Variants in MECOM observed in about 807,000 individuals in gnomAD.
MECOM encodes the protein MDS1 and EVI1 complex locus, also known as histone-lysine N-methyltransferase MECOM.
In MECOM, 13 loss-of-function variants were observed where a neutral mutation model predicts 116.3. The ratio of observed to expected loss-of-function variants is 0.11; its 90% CI spans 0.07 to 0.18. The LOEUF is 0.18. MECOM is among the 10% of genes least tolerant of loss of function. The pLI, the probability that MECOM is intolerant of heterozygous loss-of-function variation, is 1.00. For missense variants in MECOM, 1,299 were observed against 1,509.0 expected, an observed-to-expected ratio of 0.86 and a Z score of 2.31; for synonymous variants, 528 against 535.2, an observed-to-expected ratio of 0.99 and a Z score of 0.19.
intron 2 of MECOM, among the ~76,000 whole-genome samples, chr3:169,152,993 T>G (rs1460037287): frequency 1.3e-5 from 2 of 152,212 alleles, no homozygotes; most frequent in Non-Finnish European, 2.9e-5. Flanking sequence ...ATTATTATAC[T>G]CAAAGTTTTA....
At chr3:169,556,105 A>C (rs1369183667) in intron 1 of MECOM, among the ~76,000 whole-genome samples, 1 of 152,232 alleles carries the variant, frequency 6.6e-6, no homozygotes, top group East Asian at 1.9e-4. Context: ...TCCTTTCAAA[A>C]GAGAGACCAG....
At chr3:169,438,387 G>A (rs1743058528) in intron 1 of MECOM, among the ~76,000 whole-genome samples, 1 of 152,154 alleles carries the variant, frequency 6.6e-6, no homozygotes, top group Non-Finnish European at 1.5e-5. Context: ...GTTTATTTCA[G>A]AGGTGGTCCC....
At chr3:169,145,048 T>G in intron 2 of MECOM, 5 of 1,550,414 alleles carry the variant, frequency 3.2e-6, no homozygotes, top group Non-Finnish European at 4.4e-6. Context: ...CAAGAAGCCC[T>G]ATGAATAAGC....
Position 169,143,781 on chromosome 3 carries a change from C to T in MECOM, c.427G>A (p.Asp143Asn), listed in dbSNP as rs772968266. ...VKFCIDASQP[D>N]VGSWLKYIRF... ...ATGTACTTGAGCCAGCTTCCAACAT[C>T]TGGTTGACTGGCATCTATGCAGAAC... The change falls in exon 3 of 17, where the codon GAT (aspartate) becomes AAT (asparagine). Residue 143 changes from aspartate to asparagine, a missense_variant. Asp to Asn is a conservative substitution (Grantham distance 23, BLOSUM62 1). Coordinates refer to ENST00000651503, the MANE Select transcript of MECOM (RefSeq NM_004991.4). 39 of 1,611,642 alleles carry T rather than the reference C, an allele frequency of 2.4e-5. No homozygotes were observed. The East Asian group carries it at 8.7e-4, about 36-fold the overall frequency.
intron 2 of MECOM, among the ~76,000 whole-genome samples, chr3:169,341,807 C>G (rs935379004): frequency 5.4e-5 from 8 of 149,122 alleles, no homozygotes; most frequent in Admixed American, 2.0e-4. Context: ...CTATAATGAA[C>G]AATAACTTAA....
intron 2 of MECOM, among the ~76,000 whole-genome samples, chr3:169,210,253 A>T (rs982048532): frequency 6.6e-6 from 1 of 152,252 alleles, no homozygotes; most frequent in African/African-American, 2.4e-5. Flanking sequence ...AACCTAGATG[A>T]TGGGTTGATA....
chr3:169,483,832 C>A (rs1240925535), intron 1 of MECOM: 1 of 1,611,606 alleles, frequency 6.2e-7, no homozygotes, highest in Non-Finnish European at 8.5e-7. Context: ...GAGAAAGGCA[C>A]CTCGGATGTC....
chr3:169,325,031 T>C (rs9870327), intron 2 of MECOM, among the ~76,000 whole-genome samples: 1 of 152,084 alleles, frequency 6.6e-6, no homozygotes, highest in Non-Finnish European at 1.5e-5. Context: ...GTACTAAATC[T>C]AGGATGATCA....
intron 1 of MECOM, among the ~76,000 whole-genome samples, chr3:169,493,408 G>A (rs1009001027): frequency 2.6e-5 from 4 of 151,930 alleles, no homozygotes; most frequent in African/African-American, 7.3e-5. Flanking sequence ...ATAGCACCAC[G>A]AGCTCCCACC....
chr3:169,357,167 T>G (rs1435669802), intron 2 of MECOM, among the ~76,000 whole-genome samples: 1 of 151,874 alleles, frequency 6.6e-6, no homozygotes, highest in East Asian at 1.9e-4. Context: ...TTAGATAATT[T>G]TGCTCTTTAT....
chr3:169,638,714 A>G (rs902949386), intron 1 of MECOM, among the ~76,000 whole-genome samples: 3 of 152,118 alleles, frequency 2.0e-5, no homozygotes, highest in Non-Finnish European at 2.9e-5. Flanking sequence ...TGCCTCCCCA[A>G]TATTCACTCC....
chr3:169,211,870 AT>A (rs1288967607), intron 2 of MECOM, among the ~76,000 whole-genome samples: 1 of 152,068 alleles, frequency 6.6e-6, no homozygotes, highest in Non-Finnish European at 1.5e-5. Context: ...GCTATCTCAA[AT>A]TTAGTTTCCT....
At chr3:169,232,641 TA>T (rs1753538515) in intron 2 of MECOM, among the ~76,000 whole-genome samples, 1 of 103,412 alleles carries the variant, frequency 9.7e-6, no homozygotes, top group African/African-American at 3.5e-5. Flanking sequence ...TAACCATTTG[TA>T]AAATATATAT....
chr3:169,496,996 T>C (rs2108952715), intron 1 of MECOM, among the ~76,000 whole-genome samples: 1 of 152,356 alleles, frequency 6.6e-6, no homozygotes, highest in South Asian at 2.1e-4. Context: ...ACTATTACCC[T>C]ATTTCTTCCC....
intron 1 of MECOM, among the ~76,000 whole-genome samples, chr3:169,581,444 C>T (rs568927282): frequency 6.6e-6 from 1 of 152,106 alleles, no homozygotes; most frequent in Admixed American, 6.5e-5. Context: ...TTCTTGCTTT[C>T]TGCCTTTTTT....
chr3:169,432,172 T>A (rs1344631259), intron 1 of MECOM, among the ~76,000 whole-genome samples: 2 of 152,048 alleles, frequency 1.3e-5, no homozygotes, highest in Non-Finnish European at 2.9e-5. Flanking sequence ...TGTCTTTTTT[T>A]TTTTTAGACA....
At chr3:169,140,729 A>G (rs1408613016) in intron 3 of MECOM, among the ~76,000 whole-genome samples, 4 of 55,862 alleles carry the variant, frequency 7.2e-5, no homozygotes, top group Non-Finnish European at 1.5e-4. Flanking sequence ...AATCTACTGG[A>G]AAATTTAAAC....
intron 2 of MECOM, among the ~76,000 whole-genome samples, chr3:169,191,284 C>G (rs759197833): frequency 1.1e-4 from 16 of 152,084 alleles, no homozygotes; most frequent in Non-Finnish European, 1.9e-4. Context: ...CACTTATCAT[C>G]TGCTGGTGGG....
chr3:169,358,618 A>G lies in MECOM; in HGVS notation c.375+22569T>C, dbSNP rs1053941090. 2.0e-5 allele frequency among the ~76,000 whole-genome samples: 3 copies of G among 151,740 alleles called. No individual in the cohort carries two copies. In the East Asian group the frequency reaches 5.9e-4, roughly 30 times the overall value. ...AGCCCTAGGACAAGCAGACAAAAAGATAACTGTCCCAAAGGCAGTCTCTCT... is the reference window on the plus strand; with the variant it reads ...AGCCCTAGGACAAGCAGACAAAAAGGTAACTGTCCCAAAGGCAGTCTCTCT... On this transcript the variant is annotated intron_variant, in intron 2 of 16. Coordinates refer to ENST00000651503, the MANE Select transcript of MECOM (RefSeq NM_004991.4).
Sources: allele counts gnomAD v4.1 joint callset (sites outside exome capture counted in the v4.1 genomes callset), GRCh38; gene constraint gnomAD v4.1.1; transcripts MANE v1.5; gene names NCBI Gene and HGNC (gene_info 2026-07-23, HGNC 2026-07-21).